The following FHIT variants were observed in gnomAD, a reference collection of about 807,000 sequenced individuals.
FHIT encodes the protein bis(5'-adenosyl)-triphosphatase.
A neutral mutation model predicts 17.9 loss-of-function variants in FHIT; 19 were observed. The observed-to-expected ratio is 1.06, with a 90% CI of 0.74 to 1.56. FHIT has a LOEUF of 1.56. Ranked by LOEUF, FHIT falls within the 40% of genes most tolerant of loss-of-function variation. FHIT has a pLI of 0.00. For synonymous variants in FHIT, 81 were observed against 69.7 expected (o/e 1.16, Z -0.81); for missense variants, 248 against 189.2 (o/e 1.31, Z -1.82).
rs542277679 is a variant in FHIT, at chr3:60,637,585, C to A, written c.-17-100606G>T. Among the ~76,000 whole-genome samples the A allele has an allele frequency of 5.3e-5, 8 of 152,276 alleles. No individual in the cohort carries two copies. In the South Asian group the frequency reaches 1.7e-3, roughly 32 times the overall value. ...AATTACTATTGTCACCATCATTATTCCTATTGGCTGTCTATTGTAAAGCCA... is the reference window on the plus strand; with the variant it reads ...AATTACTATTGTCACCATCATTATTACTATTGGCTGTCTATTGTAAAGCCA... On this transcript the variant is annotated intron_variant, in intron 4 of 9. Transcript: ENST00000492590.
intron 5 of FHIT, among the ~76,000 whole-genome samples, chr3:60,314,004 T>G (rs1709060107): frequency 6.6e-6 from 1 of 152,224 alleles, no homozygotes; most frequent in African/African-American, 2.4e-5. Context: ...AATGCAGATT[T>G]TGTGTGCACA....
intron 3 of FHIT, among the ~76,000 whole-genome samples, chr3:60,860,339 GATACATCATATGTATACATGAC>G (rs1314004288): frequency 0.015 from 391 of 26,656 alleles, 8 homozygotes; most frequent in African/African-American, 0.032. Flanking sequence ...GTATACATGA[GATACATCATATGTATACATGAC>G]ATACATCATA....
At chr3:60,285,863 C>T (rs1233300327) in intron 5 of FHIT, among the ~76,000 whole-genome samples, 1 of 152,158 alleles carries the variant, frequency 6.6e-6, no homozygotes, top group Non-Finnish European at 1.5e-5. Flanking sequence ...ATATCCATCA[C>T]CTTAAATATT....
intron 7 of FHIT, among the ~76,000 whole-genome samples, chr3:59,992,188 G>C (rs1699305303): frequency 6.6e-6 from 1 of 152,010 alleles, no homozygotes; most frequent in Non-Finnish European, 1.5e-5. Flanking sequence ...TCAGAAATTA[G>C]TACTATTACT....
intron 4 of FHIT, among the ~76,000 whole-genome samples, chr3:60,636,343 A>G (rs187184613): frequency 1.3e-5 from 2 of 152,292 alleles, no homozygotes; most frequent in East Asian, 3.9e-4. Context: ...TGCTGGGATT[A>G]CAGGCATGAG....
At chr3:59,767,644 AT>A (rs1701870222) in intron 8 of FHIT, among the ~76,000 whole-genome samples, 1 of 152,142 alleles carries the variant, frequency 6.6e-6, no homozygotes, top group Admixed American at 6.5e-5. Flanking sequence ...TGTTATTGTT[AT>A]TTTTAATGGA....
At chr3:60,424,207 A>G (rs1440237738) in intron 5 of FHIT, among the ~76,000 whole-genome samples, 5 of 152,146 alleles carry the variant, frequency 3.3e-5, no homozygotes, top group Non-Finnish European at 7.3e-5. Flanking sequence ...CACTTGGCCC[A>G]AAGTTACACA....
At chr3:60,995,163 T>C (rs2030566148) in intron 3 of FHIT, among the ~76,000 whole-genome samples, 1 of 151,392 alleles carries the variant, frequency 6.6e-6, no homozygotes, top group Non-Finnish European at 1.5e-5. Flanking sequence ...TACTAAGAAA[T>C]AGAAAAAATT....
rs555621856 is a variant in FHIT, at chr3:61,010,035, G to A, written c.-111+32012C>T. The stretch of plus-strand genomic sequence containing the variant: ...AGCCAGAAGTTTCATCTACCTAAGT[G>A]GCACCTTGAAACTAGAAAGAGATGG... On this transcript the variant is annotated intron_variant, in intron 3 of 9. Transcript: ENST00000492590. Among the ~76,000 whole-genome samples the A allele has an allele frequency of 2.0e-5, 3 of 152,174 alleles. No homozygotes were observed. In the South Asian group the frequency reaches 6.2e-4, roughly 32 times the overall value.
intron 4 of FHIT, among the ~76,000 whole-genome samples, chr3:60,544,371 GT>G (rs528522147): frequency 6.6e-6 from 1 of 151,672 alleles, no homozygotes; most frequent in South Asian, 2.1e-4. Flanking sequence ...AAAAAAATTG[GT>G]TTTATGAAAT....
intron 1 of FHIT, among the ~76,000 whole-genome samples, chr3:61,242,291 C>A (rs998959604): frequency 2.7e-5 from 4 of 147,686 alleles, no homozygotes; most frequent in South Asian, 2.2e-4. Flanking sequence ...AAAACAACAA[C>A]AAAAAAAAAA....
At chr3:61,091,432 A>C (rs959182520) in intron 2 of FHIT, among the ~76,000 whole-genome samples, 10 of 152,150 alleles carry the variant, frequency 6.6e-5, no homozygotes, top group African/African-American at 2.4e-4. Context: ...TCATAAGATT[A>C]AATTAGATAA....
intron 7 of FHIT, among the ~76,000 whole-genome samples, chr3:59,927,691 C>A (rs953820167): frequency 1.6e-4 from 24 of 152,250 alleles, no homozygotes; most frequent in Middle Eastern, 3.4e-3. Flanking sequence ...ATCGCTTGAA[C>A]CCGGGAGGCG....
intron 5 of FHIT, among the ~76,000 whole-genome samples, chr3:60,298,586 G>A (rs1293126471): frequency 6.6e-6 from 1 of 152,078 alleles, no homozygotes; most frequent in Non-Finnish European, 1.5e-5. Flanking sequence ...GTCTTTCAAT[G>A]TTAAGTATGT....
chr3:60,917,641 G>T (rs1339233104), intron 3 of FHIT, among the ~76,000 whole-genome samples: 3 of 152,130 alleles, frequency 2.0e-5, no homozygotes, highest in Non-Finnish European at 2.9e-5. Context: ...CAAATATTCA[G>T]ATGTTTTTCC....
In FHIT at chr3:60,587,737, T is replaced by C. The variant is rs550808540; in HGVS notation, c.-17-50758A>G. Among the ~76,000 whole-genome samples the C allele has an allele frequency of 1.4e-4, 21 of 152,154 alleles. No homozygotes were observed. The South Asian group carries it at 3.7e-3, about 27-fold the overall frequency. On this transcript the variant is annotated intron_variant, in intron 4 of 9. Transcript: ENST00000492590. The stretch of plus-strand genomic sequence containing the variant: ...TATTAATATAATTAACCACTATTTA[T>C]TGAGCTTCTGCTAATGCCAGGCACT...
chr3:61,151,787 C>T (rs1281109093), intron 2 of FHIT, among the ~76,000 whole-genome samples: 2 of 151,962 alleles, frequency 1.3e-5, no homozygotes, highest in African/African-American at 4.8e-5. Flanking sequence ...AGGCTGGTCT[C>T]GAGCTCCTGA....
At chr3:60,819,229 A>G (rs1431703311) in intron 4 of FHIT, among the ~76,000 whole-genome samples, 1 of 152,108 alleles carries the variant, frequency 6.6e-6, no homozygotes. Flanking sequence ...ATTTAGTGAC[A>G]TTTGAGTTTG....
intron 5 of FHIT, among the ~76,000 whole-genome samples, chr3:60,162,636 G>A (rs1405767105): frequency 1.3e-5 from 2 of 152,084 alleles, no homozygotes; most frequent in Admixed American, 1.3e-4. Context: ...CTAACTTTAT[G>A]AAATGCATTT....
Sources: gnomAD v4.1 joint callset for allele counts (sites outside exome capture counted in the v4.1 genomes callset) on GRCh38, gnomAD v4.1.1 for gene constraint, MANE v1.5 for transcripts, NCBI Gene and HGNC (gene_info 2026-07-23, HGNC 2026-07-21) for gene names.